The following GCLC variants were observed in gnomAD, a reference collection of about 807,000 sequenced individuals.
GCLC encodes the protein glutamate-cysteine ligase catalytic subunit.
GCLC carries 30 observed loss-of-function variants against 81.5 expected under a neutral mutation model. The ratio of observed to expected loss-of-function variants is 0.37; its 90% CI spans 0.28 to 0.50. The LOEUF (loss-of-function observed/expected upper bound fraction) is 0.50. GCLC is among the 20% of genes least tolerant of loss of function. The pLI is 0.96. For synonymous variants in GCLC, 262 were observed against 273.3 expected (o/e 0.96, Z 0.41); for missense variants, 556 against 777.4 (o/e 0.72, Z 3.39).
At chr6:53,520,992 A>G (rs1762982030) in intron 2 of GCLC, 32 bp from the exon 3 acceptor site, 2 of 1,554,322 alleles carry the variant, frequency 1.3e-6, no homozygotes, top group Admixed American at 1.7e-5. Flanking sequence ...GTTCCATCTT[A>G]TTCTTTTGCT....
Position 53,544,756 on chromosome 6 carries a change from G to A in GCLC, c.-111C>T, listed in dbSNP as rs1210330970. 6.3e-6 allele frequency: 7 copies of A among 1,108,656 alleles called. No homozygotes were observed. The highest frequency in any genetic ancestry group is 7.4e-6 in the Non-Finnish European group (6 of 809,240). 68.7% of individuals were successfully genotyped at this position (1,108,656 alleles called of 1,614,324 possible). ...GAAGGCGGCTGCCGCTCCACCCCGC[G>A]GGGGCGCTCTCGGGCCGCAGTCGGC... is the stretch of plus-strand genomic sequence containing the variant. On this transcript the variant is annotated 5_prime_UTR_variant, in exon 1 of 16. Coordinates refer to ENST00000650454, the MANE Select transcript of GCLC (RefSeq NM_001498.4).
intron 6 of GCLC, chr6:53,514,001 C>G: frequency 8.2e-6 from 5 of 609,156 alleles, no homozygotes. Flanking sequence ...TTGTGGTGAA[C>G]AACAGAGTCT....
At chr6:53,511,209 G>GT (rs1554151862) in intron 6 of GCLC, among the ~76,000 whole-genome samples, 4 of 145,732 alleles carry the variant, frequency 2.7e-5, no homozygotes, top group African/African-American at 7.4e-5. Flanking sequence ...AGTGGGGGGG[G>GT]GGTGCTAAAG....
At chr6:53,520,320 C>T (rs1178149698) in intron 3 of GCLC, among the ~76,000 whole-genome samples, 1 of 152,222 alleles carries the variant, frequency 6.6e-6, no homozygotes, top group East Asian at 1.9e-4. Flanking sequence ...ACTGCAGATC[C>T]TCTGATCTGC....
intron 1 of GCLC, among the ~76,000 whole-genome samples, chr6:53,533,268 T>C (rs2127629272): frequency 6.6e-6 from 1 of 152,342 alleles, no homozygotes; most frequent in East Asian, 1.9e-4. Flanking sequence ...TCATATGAAA[T>C]GTAAAAACAT....
At chr6:53,513,429 T>C (rs1291924905) in intron 6 of GCLC, 1 of 152,120 alleles carries the variant, frequency 6.6e-6, no homozygotes, top group Non-Finnish European at 1.5e-5. Context: ...GGCAATAAAA[T>C]AAATATTAGC....
chr6:53,507,096 G>A (rs1467486406), intron 9 of GCLC, 71 bp from the exon 10 acceptor site: 9 of 865,698 alleles, frequency 1.0e-5, no homozygotes, highest in East Asian at 7.6e-5. Flanking sequence ...CCAGAAAGAC[G>A]ACAGGATAGC....
At chr6:53,526,321 T>C (rs1258045569) in intron 1 of GCLC, among the ~76,000 whole-genome samples, 3 of 152,242 alleles carry the variant, frequency 2.0e-5, no homozygotes, top group African/African-American at 7.2e-5. Flanking sequence ...CTCAGTACAA[T>C]GCTGAATATA....
In GCLC at chr6:53,497,649, G is replaced by GA. The variant is rs3830796; in HGVS notation, c.*1106dup. 56,432 of 151,968 alleles carry GA rather than the reference G, an allele frequency of 0.37. 10,929 individuals are homozygous for GA. The highest frequency in any genetic ancestry group is 0.48 in the Admixed American group (7,353 of 15,214). 9.4% of individuals were successfully genotyped at this position (151,968 alleles called of 1,614,324 possible). On this transcript the variant is annotated 3_prime_UTR_variant, in exon 16 of 16. Transcript: ENST00000650454. ...AGAAGCAGTTGACTTAACTAGTTGA[G>GA]AAAAAAAACAACAAACTTCAACGCA... is the stretch of plus-strand genomic sequence containing the variant.
rs769620464 is a variant in GCLC at position 53,500,012 on chromosome 6, A to C, written c.1702+33T>G. The C allele has an allele frequency of 4.8e-6, 7 of 1,465,122 alleles. No homozygotes were observed. In the South Asian group the frequency reaches 8.0e-5, roughly 17 times the overall value. The allele number at this position is 1,465,122 out of a possible 1,614,324, so 90.8% of individuals were successfully genotyped here. ...ATTCTAAGATTATACCATGCTGTCT[A>C]TATTATGAGATTAAGAAAAATAGAT... On this transcript the variant is annotated intron_variant, in intron 15 of 15. Transcript: ENST00000650454.
intron 12 of GCLC, chr6:53,500,733 AAG>A (rs1764495004): frequency 5.1e-6 from 3 of 592,680 alleles, no homozygotes; most frequent in Non-Finnish European, 9.0e-6. Context: ...AGGGAATTTT[AAG>A]AGAAACTTAA....
chr6:53,500,859 C>T (rs918796665), intron 12 of GCLC: 1 of 373,316 alleles, frequency 2.7e-6, no homozygotes, highest in Non-Finnish European at 5.1e-6. Context: ...CTTTATATAG[C>T]AGTGTCTCAC....
chr6:53,539,827 T>C (rs964642348), intron 1 of GCLC, among the ~76,000 whole-genome samples: 2 of 152,174 alleles, frequency 1.3e-5, no homozygotes, highest in Non-Finnish European at 2.9e-5. Flanking sequence ...CTCAGTTATT[T>C]CTCAAGGCTT....
intron 1 of GCLC, among the ~76,000 whole-genome samples, chr6:53,534,751 C>G (rs1424613417): frequency 6.6e-6 from 1 of 151,986 alleles, no homozygotes; most frequent in African/African-American, 2.4e-5. Flanking sequence ...TCAGGGATAA[C>G]ATGACAAAAA....
chr6:53,535,870 C>A (rs1454969445), intron 1 of GCLC, among the ~76,000 whole-genome samples: 1 of 152,162 alleles, frequency 6.6e-6, no homozygotes, highest in Non-Finnish European at 1.5e-5. Context: ...AGTGAGAATG[C>A]AAAATGGTAT....
At chr6:53,526,226 G>A (rs1763078318) in intron 1 of GCLC, among the ~76,000 whole-genome samples, 1 of 152,140 alleles carries the variant, frequency 6.6e-6, no homozygotes, top group Non-Finnish European at 1.5e-5. Context: ...ATTTAATGCA[G>A]GTTTAAACAA....
At chr6:53,518,564 T>C (rs1049246592) in intron 3 of GCLC, among the ~76,000 whole-genome samples, 8 of 152,142 alleles carry the variant, frequency 5.3e-5, no homozygotes, top group African/African-American at 1.9e-4. Flanking sequence ...AAATCTTTTT[T>C]AAAAAGGCAA....
At chr6:53,526,968 T>G (rs1763094089) in intron 1 of GCLC, among the ~76,000 whole-genome samples, 1 of 152,214 alleles carries the variant, frequency 6.6e-6, no homozygotes, top group African/African-American at 2.4e-5. Flanking sequence ...AAAGTTCTTT[T>G]GTCAGTTTCT....
At chr6:53,536,905 T>TA (rs1346841119) in intron 1 of GCLC, among the ~76,000 whole-genome samples, 1 of 152,210 alleles carries the variant, frequency 6.6e-6, no homozygotes, top group Non-Finnish European at 1.5e-5. Context: ...TATAGAAGAC[T>TA]AATACACTTT....
Sources: allele counts gnomAD v4.1 joint callset (sites outside exome capture counted in the v4.1 genomes callset), GRCh38; gene constraint gnomAD v4.1.1; transcripts MANE v1.5; gene names NCBI Gene and HGNC (gene_info 2026-07-23, HGNC 2026-07-21).